The following EBF1 variants were observed in gnomAD, a reference collection of about 807,000 sequenced individuals.
EBF1 encodes transcription factor COE1.
In EBF1, 10 loss-of-function variants were observed where a neutral mutation model predicts 68.4. The observed-to-expected ratio is 0.15, with a 90% CI of 0.09 to 0.25. EBF1 has a LOEUF of 0.25. Ranked by LOEUF, EBF1 falls within the 10% of genes least tolerant of loss-of-function variation. EBF1 has a pLI of 1.00. For missense variants in EBF1, 509 were observed against 794.4 expected (o/e 0.64, Z 4.32); for synonymous variants, 298 against 299.8 (o/e 0.99, Z 0.06).
At chr5:158,700,755 C>T (rs750725665) in intron 15 of EBF1, among the ~76,000 whole-genome samples, 11 of 152,154 alleles carry the variant, frequency 7.2e-5, no homozygotes, top group Admixed American at 2.0e-4. Flanking sequence ...TTCATTTACA[C>T]GTAAATCATC....
chr5:159,096,201 G>T (rs960534458), intron 3 of EBF1, 142 bp downstream of exon 3: 2 of 922,282 alleles, frequency 2.2e-6, no homozygotes, highest in Admixed American at 2.8e-5. Context: ...CTCCTGGGGC[G>T]AAATTTAGGA....
At chr5:158,927,191 GA>G (rs1412974210) in intron 6 of EBF1, among the ~76,000 whole-genome samples, 2 of 152,230 alleles carry the variant, frequency 1.3e-5, no homozygotes, top group Non-Finnish European at 2.9e-5. Context: ...CTTATCTGTA[GA>G]AATATCGTGA....
chr5:158,828,642 T>C (rs1385629932), intron 7 of EBF1, among the ~76,000 whole-genome samples: 2 of 152,318 alleles, frequency 1.3e-5, no homozygotes, highest in East Asian at 3.9e-4. Context: ...CTGGTTGTCA[T>C]ATTGTAAAAT....
intron 5 of EBF1, among the ~76,000 whole-genome samples, chr5:159,074,833 G>A (rs1778446831): frequency 6.6e-6 from 1 of 152,104 alleles, no homozygotes; most frequent in African/African-American, 2.4e-5. Flanking sequence ...GATTCAGAGG[G>A]AACTATTTCC....
At chr5:158,967,439 T>C (rs984642788) in intron 6 of EBF1, among the ~76,000 whole-genome samples, 1 of 152,158 alleles carries the variant, frequency 6.6e-6, no homozygotes, top group African/African-American at 2.4e-5. Flanking sequence ...TAGGATAAAG[T>C]TTCTCTTTAG....
chr5:158,951,535 A>T (rs781291424), intron 6 of EBF1, among the ~76,000 whole-genome samples: 6 of 152,214 alleles, frequency 3.9e-5, no homozygotes, highest in Non-Finnish European at 7.3e-5. Flanking sequence ...CACAGATTCA[A>T]TGGGGTCTTC....
intron 6 of EBF1, among the ~76,000 whole-genome samples, chr5:158,912,279 C>T (rs1287903679): frequency 6.6e-6 from 1 of 152,188 alleles, no homozygotes; most frequent in Non-Finnish European, 1.5e-5. Flanking sequence ...GACTTACCCA[C>T]CAAAGTTCAA....
At chr5:158,959,232 TAAAAC>T (rs1817694591) in intron 6 of EBF1, among the ~76,000 whole-genome samples, 1 of 151,304 alleles carries the variant, frequency 6.6e-6, no homozygotes, top group African/African-American at 2.4e-5. Flanking sequence ...ATGCCAAACA[TAAAAC>T]AAATCGAAAT....
At position 158,741,077 on chromosome 5, in the gene EBF1, A is replaced by G. The variant is rs570809501; in HGVS notation, c.1037-9920T>C. 3.3e-5 allele frequency among the ~76,000 whole-genome samples: 5 copies of G among 152,372 alleles called. No individual in the cohort carries two copies. The East Asian group carries it at 9.6e-4, about 29-fold the overall frequency. ...AAGAAATGGACAAAAAATATATAAC[A>G]TTTTATTTCATTTTAAAATAATCAC... is the stretch of plus-strand genomic sequence containing the variant. On this transcript the variant is annotated intron_variant, in intron 10 of 15. Transcript: ENST00000313708.
At position 158,814,052 on chromosome 5, in the gene EBF1, G is replaced by A. The variant is rs963910784; in HGVS notation, c.778+9124C>T. The stretch of plus-strand genomic sequence containing the variant: ...ACCAAATATAAGACAAAAAAAATTA[G>A]GCTTAAAAAAGTTCTGACCAGGCTG... On this transcript the variant is annotated intron_variant, in intron 8 of 15. Coordinates refer to ENST00000313708, the MANE Select transcript of EBF1 (RefSeq NM_024007.5). 3.2e-4 allele frequency among the ~76,000 whole-genome samples: 48 copies of A among 152,110 alleles called. 1 individual carries two copies. Among genetic ancestry groups the A allele is most frequent in the African/African-American group, 1.1e-3 (45 of 41,412 alleles).
chr5:158,951,878 G>T (rs144217541), intron 6 of EBF1, among the ~76,000 whole-genome samples: 198 of 152,260 alleles, frequency 1.3e-3, no homozygotes, highest in African/African-American at 4.4e-3. Flanking sequence ...GTCTTGCAGG[G>T]AATTAGTGAA....
At chr5:158,879,445 A>C (rs1798420820) in intron 6 of EBF1, among the ~76,000 whole-genome samples, 1 of 152,250 alleles carries the variant, frequency 6.6e-6, no homozygotes, top group African/African-American at 2.4e-5. Flanking sequence ...ATGTGAGAAA[A>C]GAAAGGCACA....
intron 6 of EBF1, among the ~76,000 whole-genome samples, chr5:159,009,962 C>T (rs187846931): frequency 2.0e-5 from 3 of 152,206 alleles, no homozygotes; most frequent in East Asian, 3.9e-4. Flanking sequence ...GTATGACTTA[C>T]TCAAAATCTA....
chr5:158,755,275 C>T (rs1769816780), intron 10 of EBF1, among the ~76,000 whole-genome samples: 1 of 151,946 alleles, frequency 6.6e-6, no homozygotes, highest in Admixed American at 6.6e-5. Context: ...AGTAATCTTT[C>T]CTACCCTGAG....
At chr5:158,835,886 T>C (rs977982513) in intron 7 of EBF1, among the ~76,000 whole-genome samples, 1 of 152,180 alleles carries the variant, frequency 6.6e-6, no homozygotes, top group African/African-American at 2.4e-5. Context: ...TCATGTAAAA[T>C]ACTTTGCACA....
At chr5:158,871,425 C>T (rs946069890) in intron 6 of EBF1, among the ~76,000 whole-genome samples, 3 of 152,164 alleles carry the variant, frequency 2.0e-5, no homozygotes, top group Non-Finnish European at 2.9e-5. Context: ...TGCATTAACA[C>T]AACTGTTGCT....
chr5:159,063,543 T>C (rs570767921), intron 6 of EBF1, among the ~76,000 whole-genome samples: 54 of 152,330 alleles, frequency 3.5e-4, no homozygotes, highest in Non-Finnish European at 6.5e-4. Flanking sequence ...AGATCAACCC[T>C]GAGACACTGA....
chr5:159,066,475 T>C (rs986544011), intron 6 of EBF1, among the ~76,000 whole-genome samples: 4 of 152,170 alleles, frequency 2.6e-5, no homozygotes, highest in African/African-American at 4.8e-5. Context: ...ACACATTTCA[T>C]AGATGGAACG....
At position 158,727,852 on chromosome 5, in the gene EBF1, A is replaced by G. The variant is rs145682292; in HGVS notation, c.1125+3217T>C. ...TTTTTTTGAAAAAGCACATGCCTGT[A>G]TACAAAGGCATATTATTATGGAAAG... On this transcript the variant is annotated intron_variant, in intron 11 of 15. Coordinates refer to ENST00000313708, the MANE Select transcript of EBF1 (RefSeq NM_024007.5). Among the ~76,000 whole-genome samples, 9 of 152,356 alleles carry G rather than the reference A, an allele frequency of 5.9e-5. No individual in the cohort carries two copies. In the East Asian group the frequency reaches 1.5e-3, roughly 26 times the overall value.
Sources: gnomAD v4.1 joint callset for allele counts (sites outside exome capture counted in the v4.1 genomes callset) on GRCh38, gnomAD v4.1.1 for gene constraint, MANE v1.5 for transcripts, NCBI Gene and HGNC (gene_info 2026-07-23, HGNC 2026-07-21) for gene names.